Variants in ATP8B1 observed in about 807,000 individuals in gnomAD.
ATP8B1 encodes the protein ATPase phospholipid transporting 8B1.
A neutral mutation model predicts 149.9 loss-of-function variants in ATP8B1; 80 were observed. That is an observed-to-expected ratio of 0.53 (90% CI 0.45 to 0.64). The LOEUF (loss-of-function observed/expected upper bound fraction) is 0.64, where lower values mean the gene tolerates loss of function less well. ATP8B1 is among the 30% of genes least tolerant of loss of function. The probability of loss-of-function intolerance (pLI) is 0.00; values close to 1 mark genes in which losing one functional copy is unlikely to be tolerated. For missense variants in ATP8B1, 1,247 were observed against 1,552.6 expected, an observed-to-expected ratio of 0.80 and a Z score of 3.31; for synonymous variants, 536 against 562.8, an observed-to-expected ratio of 0.95 and a Z score of 0.67.
At chr18:57,783,387 A>G (rs1031690575) in intron 1 of ATP8B1, among the ~76,000 whole-genome samples, 1 of 152,242 alleles carries the variant, frequency 6.6e-6, no homozygotes, top group African/African-American at 2.4e-5. Context: ...GTGGACACAT[A>G]TGGTTTAACA....
chr18:57,677,555 TC>T (rs1911673486), intron 15 of ATP8B1, among the ~76,000 whole-genome samples: 1 of 54,564 alleles, frequency 1.8e-5, no homozygotes, highest in Non-Finnish European at 3.7e-5. Flanking sequence ...AAACACACCT[TC>T]CTTCCTTCCT....
At chr18:57,670,585 C>T (rs962640337) in intron 17 of ATP8B1, among the ~76,000 whole-genome samples, 2 of 151,872 alleles carry the variant, frequency 1.3e-5, no homozygotes, top group African/African-American at 2.4e-5. Flanking sequence ...CTGTTAACCT[C>T]GTGATCTGCC....
chr18:57,713,286 TTCTCTC>T (rs139330730), intron 2 of ATP8B1, among the ~76,000 whole-genome samples: 5 of 138,684 alleles, frequency 3.6e-5, no homozygotes, highest in Non-Finnish European at 1.5e-5. Context: ...TCTTTTTTCT[TTCTCTC>T]TCTCTCTCTT....
At chr18:57,657,380 G>A (rs192837051) in intron 22 of ATP8B1, among the ~76,000 whole-genome samples, 9 of 152,128 alleles carry the variant, frequency 5.9e-5, no homozygotes, top group East Asian at 1.9e-4. Context: ...TAAAAGTAAC[G>A]AATGTGAAGA....
rs1470270522 is a variant in ATP8B1, at chr18:57,655,296, A to G, written c.2829T>C (p.Ser943=). The G allele has an allele frequency of 6.2e-7, 1 of 1,614,078 alleles. No homozygotes were observed. The highest frequency in any genetic ancestry group is 8.5e-7 in the Non-Finnish European group (1 of 1,180,004). Residue 943 remains serine (S), a synonymous_variant, in exon 23 of 28, where the codon TCT becomes TCC. Coordinates refer to ENST00000648908, the MANE Select transcript of ATP8B1 (RefSeq NM_001374385.1). ...GTAGGAACTTGCACATCCTTATGTA[A>G]GACCATCGGCCATGCACCAGCAGTA... The part of the protein sequence containing the change: ...QRLLLVHGRW[S]YIRMCKFLRY...
Position 57,667,125 on chromosome 18 carries a change from TC to T in ATP8B1, c.2251del (p.Glu751LysfsTer49). ...CTCCCCATAGCAGATGGTGGTGTCT[TC>T]AGTCAGAAGTTCACAAGCAAATCCT... ...NIGFACELLT[E>X]DTTICYGEDI... On this transcript the variant is annotated frameshift_variant, in exon 20 of 28. Transcript: ENST00000648908. LOFTEE classifies it high-confidence loss of function. 6.2e-7 allele frequency: 1 copy of T among 1,613,488 alleles called. No homozygotes were observed. Among genetic ancestry groups the T allele is most frequent in the Non-Finnish European group, 8.5e-7 (1 of 1,179,338 alleles).
At chr18:57,794,180 A>G (rs2080488871) in intron 1 of ATP8B1, among the ~76,000 whole-genome samples, 1 of 152,078 alleles carries the variant, frequency 6.6e-6, no homozygotes, top group African/African-American at 2.4e-5. Flanking sequence ...TACTTTAAAA[A>G]CCTGCTTTTT....
chr18:57,753,025 G>T (rs35732984), intron 1 of ATP8B1, among the ~76,000 whole-genome samples: 73,089 of 151,990 alleles, frequency 0.48, 18,618 homozygotes, highest in South Asian at 0.58. Context: ...CCAGGGTAAG[G>T]TTCCACAGAA....
intron 1 of ATP8B1, among the ~76,000 whole-genome samples, chr18:57,733,338 T>C (rs993234800): frequency 4.1e-4 from 62 of 152,154 alleles, no homozygotes; most frequent in African/African-American, 1.4e-3. Flanking sequence ...AATAACAGTA[T>C]TATTGTTATT....
chr18:57,715,199 G>A lies in ATP8B1; in HGVS notation c.182-8612C>T, dbSNP rs114255130. Among the ~76,000 whole-genome samples the A allele has an allele frequency of 2.7e-3, 409 of 152,202 alleles. 5 individuals are homozygous for A. The highest frequency in any genetic ancestry group is 9.1e-3 in the African/African-American group (379 of 41,528). ...TTAAAAAGAGTCAAGCTGAAATTCCGGAGTTGAAAAATGCAACCGACATAC... is the reference window on the plus strand; with the variant it reads ...TTAAAAAGAGTCAAGCTGAAATTCCAGAGTTGAAAAATGCAACCGACATAC... On this transcript the variant is annotated intron_variant, in intron 2 of 27. Transcript: ENST00000648908.
chr18:57,650,128 G>A (rs1248270137), intron 27 of ATP8B1, among the ~76,000 whole-genome samples: 2 of 152,094 alleles, frequency 1.3e-5, no homozygotes, highest in Admixed American at 6.6e-5. Context: ...TAGATATATG[G>A]GGCTCATTCT....
chr18:57,731,076 T>C (rs2079759924), intron 2 of ATP8B1, among the ~76,000 whole-genome samples: 1 of 152,024 alleles, frequency 6.6e-6, no homozygotes, highest in South Asian at 2.1e-4. Flanking sequence ...GGCAGATCCC[T>C]TGAGCTCAGG....
At chr18:57,729,078 CT>C (rs1162290654) in intron 2 of ATP8B1, among the ~76,000 whole-genome samples, 1 of 152,042 alleles carries the variant, frequency 6.6e-6, no homozygotes, top group Non-Finnish European at 1.5e-5. Context: ...AACATATGAC[CT>C]GCAAACTGAA....
chr18:57,761,115 AAAATAAAATAAAATAAAAT>A, intron 1 of ATP8B1, among the ~76,000 whole-genome samples: 1 of 48,074 alleles, frequency 2.1e-5, no homozygotes, highest in Middle Eastern at 0.014. Context: ...AATAAAATAT[AAAATAAAATAAAATAAAAT>A]AAAATAAAAT....
Position 57,691,893 on chromosome 18 carries a change from G to A in ATP8B1, c.1134C>T (p.Asp378=), listed in dbSNP as rs554968809. ...NSSWYLYDGE[D]DTPSYRGFLI... ...GGAATCCACGGTAGGAGGGTGTATC[G>A]TCTTCTCCATCATAGAGGTACCAAG... Residue 378 remains aspartate, a synonymous_variant, in exon 12 of 28, where the codon GAC becomes GAT. Coordinates refer to ENST00000648908, the MANE Select transcript of ATP8B1 (RefSeq NM_001374385.1). 9.9e-6 allele frequency: 16 copies of A among 1,614,118 alleles called. No homozygotes were observed. In the East Asian group the frequency reaches 1.8e-4, roughly 18 times the overall value.
intron 2 of ATP8B1, among the ~76,000 whole-genome samples, chr18:57,706,790 C>A (rs553226415): frequency 1.6e-4 from 24 of 152,196 alleles, no homozygotes; most frequent in African/African-American, 5.5e-4. Flanking sequence ...TGACTGATAC[C>A]TTTACAAAAA....
rs137866390 is a variant in ATP8B1, at chr18:57,699,808, C to T, written c.554+1231G>A. On this transcript the variant is annotated intron_variant, in intron 6 of 27. Coordinates refer to ENST00000648908, the MANE Select transcript of ATP8B1 (RefSeq NM_001374385.1). ...CCTCAAGTGATCCTCCTGCCTCGGC[C>T]TCCCAAAGTGCTGAGATTACAGGCG... Among the ~76,000 whole-genome samples, 1,135 of 152,304 alleles carry T rather than the reference C, an allele frequency of 7.5e-3. 15 individuals are homozygous for T. The highest frequency in any genetic ancestry group is 0.026 in the African/African-American group (1,091 of 41,578).
intron 14 of ATP8B1, 126 bp downstream of exon 14, chr18:57,684,946 G>T: frequency 1.6e-6 from 2 of 1,228,598 alleles, no homozygotes; most frequent in Non-Finnish European, 2.4e-6. Context: ...AAGGACTGTG[G>T]GCAACCACCA....
At chr18:57,758,889 A>G (rs9952160) in intron 1 of ATP8B1, among the ~76,000 whole-genome samples, 66,678 of 150,854 alleles carry the variant, frequency 0.44, 15,076 homozygotes, top group Middle Eastern at 0.53. Flanking sequence ...CGGGCATGGT[A>G]GCTCACGCCT....
Sources: gnomAD v4.1 joint callset for allele counts (sites outside exome capture counted in the v4.1 genomes callset) on GRCh38, gnomAD v4.1.1 for gene constraint, MANE v1.5 for transcripts, NCBI Gene and HGNC (gene_info 2026-07-23, HGNC 2026-07-21) for gene names.